The following PRDM7 variants were observed in gnomAD, a reference collection of about 807,000 sequenced individuals.
PRDM7 encodes the protein PR/SET domain 7, also known as histone-lysine N-methyltransferase PRDM7.
A neutral mutation model predicts 64.3 loss-of-function variants in PRDM7; 52 were observed. The observed-to-expected ratio is 0.81, with a 90% CI of 0.65 to 1.02. PRDM7 has a LOEUF of 1.02. Ranked by LOEUF, PRDM7 falls within the 50% of genes least tolerant of loss-of-function variation. The pLI is 0.00. For missense variants in PRDM7, 574 were observed against 597.1 expected (o/e 0.96, Z 0.40); for synonymous variants, 192 against 210.1 (o/e 0.91, Z 0.74).
At position 90,064,401 on chromosome 16, in the gene PRDM7, GGTTTT is replaced by G. The variant is rs557278988; in HGVS notation, c.352-638_352-634del. 4.6e-3 allele frequency among the ~76,000 whole-genome samples: 649 copies of G among 142,636 alleles called. 5 individuals are homozygous for G. The highest frequency in any genetic ancestry group is 0.014 in the African/African-American group (577 of 40,188). The allele number at this position is 142,636 out of a possible 152,430, so 93.6% of individuals were successfully genotyped here. ...TCCCGATCCAGAAGTTGGCATACATGGTTTTGTTTTGTTTTGTTTTGTTTTGTTTT... is the reference window on the plus strand; with the variant it reads ...TCCCGATCCAGAAGTTGGCATACATGGTTTTGTTTTGTTTTGTTTTGTTTT... On this transcript the variant is annotated intron_variant, in intron 5 of 10. Transcript: ENST00000449207.
rs2151303485 is a variant in PRDM7, at chr16:90,056,566, T to C, written c.*1723A>G. 6.6e-6 allele frequency: 1 copy of C among 152,124 alleles called. No individual in the cohort carries two copies. Among genetic ancestry groups the C allele is most frequent in the Non-Finnish European group, 1.5e-5 (1 of 68,012 alleles). The allele number at this position is 152,124 out of a possible 1,614,324, so 9.4% of individuals were successfully genotyped here. A position where few individuals can be genotyped will look rare whatever the true frequency, so the allele number is the denominator to read the frequency against. ...CAGACGAAACCCCTCAGACACAGAG[T>C]TAAAGAAGGAAGCGGTTTATTCGGC... is the stretch of plus-strand genomic sequence containing the variant. On this transcript the variant is annotated 3_prime_UTR_variant, in exon 11 of 11. Transcript: ENST00000449207.
intron 4 of PRDM7, among the ~76,000 whole-genome samples, chr16:90,069,139 A>T (rs2037921575): frequency 6.6e-6 from 1 of 151,344 alleles, no homozygotes; most frequent in African/African-American, 2.5e-5. Context: ...TCAGAAAAGT[A>T]TGGTACTGGT....
chr16:90,057,703 T>A lies in PRDM7; in HGVS notation c.*586A>T. The A allele has an allele frequency of 8.4e-7, 1 of 1,192,738 alleles. No homozygotes were observed. Among genetic ancestry groups the A allele is most frequent in the Non-Finnish European group, 1.1e-6 (1 of 938,040 alleles). The allele number at this position is 1,192,738 out of a possible 1,614,324, so 73.9% of individuals were successfully genotyped here. ...GATTTGTTTAATTAGTTATTTCCGA[T>A]CTCTTTACACTCTCGGGGAATGTAA... On this transcript the variant is annotated 3_prime_UTR_variant, in exon 11 of 11. Coordinates refer to ENST00000449207, the MANE Select transcript of PRDM7 (RefSeq NM_001098173.2).
intron 4 of PRDM7, among the ~76,000 whole-genome samples, chr16:90,071,401 T>G (rs1363863701): frequency 4.6e-5 from 7 of 152,338 alleles, no homozygotes; most frequent in Middle Eastern, 3.4e-3. Flanking sequence ...AGTGCTGGGA[T>G]TACAGGCGTG....
chr16:90,076,758 AT>A (rs2038042249), intron 1 of PRDM7, among the ~76,000 whole-genome samples: 1 of 151,594 alleles, frequency 6.6e-6, no homozygotes, highest in African/African-American at 2.4e-5. Context: ...AGGATTTGGG[AT>A]ATTTGAGGCT....
At position 90,062,442 on chromosome 16, in the gene PRDM7, G is replaced by A; in HGVS notation, c.569C>T (p.Ala190Val). 6.2e-7 allele frequency: 1 copy of A among 1,614,158 alleles called. No individual in the cohort carries two copies. The highest frequency in any genetic ancestry group is 2.2e-5 in the East Asian group (1 of 44,880). The part of the protein sequence containing the change: ...MYSLRERKGH[A>V]YKEISEPQDD... ...CTGTGGCTCGCTGATCTCTTTGTAT[G>A]CATGACCCTTTCTTTCTCGCAGGCT... The change falls in exon 7 of 11, where the codon GCA becomes GTA. Residue 190 changes from alanine (A) to valine (V), a missense_variant. Physicochemically the swap from Ala to Val is moderately conservative, Grantham distance 64 (BLOSUM62 0). Transcript: ENST00000449207.
rs1325423404 is a variant in PRDM7, at chr16:90,057,961, T to G, written c.*328A>C. 73 of 1,601,890 alleles carry G rather than the reference T, an allele frequency of 4.6e-5. 1 individual carries two copies. The highest frequency in any genetic ancestry group is 5.8e-5 in the Non-Finnish European group (68 of 1,172,072). ...AGACATAAGGCTTCTCCCCTGTGTG[T>G]GTCCTCTGGTGACTGAGGAGGTCTG... On this transcript the variant is annotated 3_prime_UTR_variant, in exon 11 of 11. Transcript: ENST00000449207.
At chr16:90,069,177 A>G (rs1213273592) in intron 4 of PRDM7, among the ~76,000 whole-genome samples, 1 of 151,302 alleles carries the variant, frequency 6.6e-6, no homozygotes, top group Non-Finnish European at 1.5e-5. Context: ...GACCAATGGA[A>G]CAGAATAGAG....
chr16:90,073,549 G>A (rs1388320641), intron 4 of PRDM7, among the ~76,000 whole-genome samples: 3 of 151,802 alleles, frequency 2.0e-5, no homozygotes, highest in African/African-American at 4.8e-5. Context: ...ACAGGTGCCC[G>A]CCACCGTGCC....
intron 5 of PRDM7, 42 bp from the exon 6 acceptor site, chr16:90,063,810 A>G: frequency 3.7e-6 from 6 of 1,608,546 alleles, no homozygotes; most frequent in Non-Finnish European, 4.3e-6. Flanking sequence ...ACGTGCATTT[A>G]TTTAGTTCTT....
In PRDM7 at chr16:90,067,773, G is replaced by T. The variant is rs538976368; in HGVS notation, c.302-863C>A. On this transcript the variant is annotated intron_variant, in intron 4 of 10. Coordinates refer to ENST00000449207, the MANE Select transcript of PRDM7 (RefSeq NM_001098173.2). The stretch of plus-strand genomic sequence containing the variant: ...GCCCAGCTAATTTTTTGTATTTTTA[G>T]TAGAGATGGGGTTTCACCGTGTTAG... 6.9e-3 allele frequency among the ~76,000 whole-genome samples: 1,042 copies of T among 150,646 alleles called. 17 individuals carry two copies. Among genetic ancestry groups the T allele is most frequent in the South Asian group, 0.015 (71 of 4,812 alleles).
Position 90,075,728 on chromosome 16 carries a change from C to A in PRDM7, c.69+114G>T. 7.2e-7 allele frequency: 1 copy of A among 1,392,810 alleles called. No individual in the cohort carries two copies. Among genetic ancestry groups the A allele is most frequent in the Non-Finnish European group, 1.0e-6 (1 of 1,002,370 alleles). 86.3% of individuals were successfully genotyped at this position (1,392,810 alleles called of 1,614,324 possible). A position where few individuals can be genotyped will look rare whatever the true frequency, so the allele number is the denominator to read the frequency against. ...CCCATGTCCTGGCCAGGACCAGCTG[C>A]CCCCATTCCATGCACATTCAGACAG... On this transcript the variant is annotated intron_variant, in intron 2 of 10. Transcript: ENST00000449207. The surrounding 1 kb of genome is among the most constrained non-coding windows in gnomAD (Gnocchi z 4.3).
chr16:90,069,814 G>A (rs1160740222), intron 4 of PRDM7, among the ~76,000 whole-genome samples: 1 of 151,062 alleles, frequency 6.6e-6, no homozygotes, highest in East Asian at 1.9e-4. Flanking sequence ...AGCACTTTGG[G>A]AGGCCGAGGC....
At chr16:90,073,966 A>G (rs2037998359) in intron 4 of PRDM7, among the ~76,000 whole-genome samples, 1 of 151,552 alleles carries the variant, frequency 6.6e-6, no homozygotes, top group African/African-American at 2.4e-5. Context: ...TGGCATTTTT[A>G]ATAGAGATGG....
chr16:90,072,980 A>C (rs2037983276), intron 4 of PRDM7, among the ~76,000 whole-genome samples: 1 of 152,202 alleles, frequency 6.6e-6, no homozygotes, highest in African/African-American at 2.4e-5. Context: ...CAGTTTGGGC[A>C]GATTGACTGT....
At chr16:90,059,702 C>T (rs369091891) in intron 10 of PRDM7, among the ~76,000 whole-genome samples, 1 of 152,118 alleles carries the variant, frequency 6.6e-6, no homozygotes, top group Admixed American at 6.5e-5. Flanking sequence ...TCACACTGAC[C>T]CCCAGGTCTC....
chr16:90,066,570 T>C (rs1373083081), intron 5 of PRDM7, among the ~76,000 whole-genome samples: 1 of 151,248 alleles, frequency 6.6e-6, no homozygotes, highest in Non-Finnish European at 1.5e-5. Flanking sequence ...GCTATAGTTA[T>C]AGTACCTACT....
chr16:90,065,498 G>C (rs1199530876), intron 5 of PRDM7, among the ~76,000 whole-genome samples: 1 of 151,118 alleles, frequency 6.6e-6, no homozygotes, highest in Non-Finnish European at 1.5e-5. Context: ...ACTTTGGGAG[G>C]CCAAGGTAGT....
intron 4 of PRDM7, among the ~76,000 whole-genome samples, chr16:90,071,625 G>A (rs2037957614): frequency 2.0e-5 from 3 of 152,072 alleles, no homozygotes; most frequent in Admixed American, 2.0e-4. Flanking sequence ...ACCCACTCCT[G>A]CAATAACTAA....
Sources: gnomAD v4.1 joint callset for allele counts (sites outside exome capture counted in the v4.1 genomes callset) on GRCh38, gnomAD v4.1.1 for gene constraint, Gnocchi (gnomAD v3.1) non-coding constraint, MANE v1.5 for transcripts, NCBI Gene and HGNC (gene_info 2026-07-23, HGNC 2026-07-21) for gene names.